FBXW8: variants seen among roughly 807,000 people sequenced by gnomAD.
The protein encoded by FBXW8 is F-box and WD repeat domain containing 8, also known as F-box/WD repeat-containing protein 8.
In FBXW8, 57 loss-of-function variants were observed where a neutral mutation model predicts 65.3. That is an observed-to-expected ratio of 0.87 (90% CI 0.71 to 1.09). The LOEUF is 1.09. Among genes scored for constraint, FBXW8 ranks in the 50% least tolerant of loss-of-function variants. The probability of loss-of-function intolerance (pLI) is 0.00; values close to 1 mark genes in which losing one functional copy is unlikely to be tolerated. For missense variants in FBXW8, 777 were observed against 814.8 expected (o/e 0.95, Z 0.57); for synonymous variants, 308 against 330.2 (o/e 0.93, Z 0.73).
intron 1 of FBXW8, among the ~76,000 whole-genome samples, chr12:116,921,825 T>TA: frequency 7.0e-6 from 1 of 141,878 alleles, no homozygotes; most frequent in Non-Finnish European, 1.5e-5. Context: ...TTTCTGACTT[T>TA]TTTTTTTTTT....
chr12:117,024,694 G>A (rs767784516), intron 9 of FBXW8, among the ~76,000 whole-genome samples: 9 of 152,180 alleles, frequency 5.9e-5, no homozygotes, highest in Non-Finnish European at 1.0e-4. Context: ...TAGGAAGCTC[G>A]CTGGGCTAGA....
chr12:116,927,416 C>T (rs943161124), intron 1 of FBXW8, among the ~76,000 whole-genome samples: 1 of 152,206 alleles, frequency 6.6e-6, no homozygotes, highest in Non-Finnish European at 1.5e-5. Flanking sequence ...GGAAACCTTG[C>T]ACTTCTCCAG....
intron 1 of FBXW8, among the ~76,000 whole-genome samples, chr12:116,922,077 A>G (rs982088407): frequency 1.4e-4 from 22 of 152,044 alleles, no homozygotes; most frequent in African/African-American, 5.3e-4. Flanking sequence ...TGATCTGTCT[A>G]TCTCAATCAC....
At chr12:116,911,535 C>T (rs1879945485) in intron 1 of FBXW8, among the ~76,000 whole-genome samples, 180 bp downstream of exon 1, 1 of 152,134 alleles carries the variant, frequency 6.6e-6, no homozygotes, top group Non-Finnish European at 1.5e-5. Context: ...ACTTCCCAAC[C>T]AGGGCGATTT....
rs558774649 is a variant in FBXW8, at chr12:117,012,959, G to T, written c.1367+2509G>T. On this transcript the variant is annotated intron_variant, in intron 8 of 10. Transcript: ENST00000652555. ...ATAAGGAGTTTTATTTTGGGGGTGT[G>T]GGGGGACAGTGAGCTTAAAGTAAAA... Among the ~76,000 whole-genome samples, 353 of 152,196 alleles carry T rather than the reference G, an allele frequency of 2.3e-3. 3 individuals are homozygous for T. Among genetic ancestry groups the T allele is most frequent in the African/African-American group, 8.1e-3 (335 of 41,522 alleles).
At chr12:116,946,499 TC>T (rs535887427) in intron 3 of FBXW8, among the ~76,000 whole-genome samples, 193 of 152,190 alleles carry the variant, frequency 1.3e-3, no homozygotes, top group Middle Eastern at 6.8e-3. Flanking sequence ...CTCTGGCCTC[TC>T]CCCATTAGAC....
At chr12:116,983,034 A>G (rs1429844067) in intron 5 of FBXW8, among the ~76,000 whole-genome samples, 1 of 152,128 alleles carries the variant, frequency 6.6e-6, no homozygotes, top group African/African-American at 2.4e-5. Context: ...TTTCTGTGAG[A>G]GGAGTAAAAT....
At chr12:117,012,246 A>C (rs1953839181) in intron 8 of FBXW8, among the ~76,000 whole-genome samples, 2 of 152,242 alleles carry the variant, frequency 1.3e-5, no homozygotes, top group South Asian at 4.2e-4. Context: ...TGCAGTCCAA[A>C]TCTGACTATG....
rs117002905 is a variant in FBXW8 at position 117,012,469 on chromosome 12, G to A, written c.1367+2019G>A. 3.6e-4 allele frequency among the ~76,000 whole-genome samples: 54 copies of A among 152,108 alleles called. 1 individual carries two copies. The highest frequency in any genetic ancestry group is 6.8e-3 in the Middle Eastern group (2 of 294). ...TATGTAAGAATACTCCCTGAGTCAG[G>A]GTTGCTCGGTCAGCAGCTTAGAATA... On this transcript the variant is annotated intron_variant, in intron 8 of 10. Coordinates refer to ENST00000652555, the MANE Select transcript of FBXW8 (RefSeq NM_153348.3).
At chr12:117,017,956 C>T (rs1480781149) in intron 8 of FBXW8, among the ~76,000 whole-genome samples, 1 of 152,144 alleles carries the variant, frequency 6.6e-6, no homozygotes, top group Admixed American at 6.5e-5. Flanking sequence ...CGTGCTACTG[C>T]TGCCTGCTGT....
At chr12:116,948,698 A>G (rs564818891) in intron 3 of FBXW8, 5 of 152,016 alleles carry the variant, frequency 3.3e-5, no homozygotes, top group East Asian at 1.9e-4. Flanking sequence ...ACTTTTCCCA[A>G]CCTCCCACAT....
intron 4 of FBXW8, among the ~76,000 whole-genome samples, chr12:116,964,216 A>C (rs1461636616): frequency 6.6e-6 from 1 of 152,242 alleles, no homozygotes; most frequent in Admixed American, 6.5e-5. Context: ...GACTTTAATC[A>C]GTCAAATCTG....
In FBXW8 at chr12:116,961,177, G is replaced by A. The variant is rs376410721; in HGVS notation, c.678-3520G>A. 1.8e-4 allele frequency among the ~76,000 whole-genome samples: 27 copies of A among 152,276 alleles called. No individual in the cohort carries two copies. The highest frequency in any genetic ancestry group is 6.3e-4 in the African/African-American group (26 of 41,566). On this transcript the variant is annotated intron_variant, in intron 4 of 10. Transcript: ENST00000652555. This position sits in a 1 kb window ranked among gnomAD's most constrained non-coding sequence, Gnocchi z 4.4. ...CACCTGGCTAATTTTTGCATTTTTA[G>A]TAGAGACGAGGTTTCACCCTGTTGG...
chr12:116,976,692 C>T lies in FBXW8; in HGVS notation c.836-8514C>T, dbSNP rs12230860. ...TGTTGGCCAGGCTGGTCTCAAACTCCTAGCCTCAAGTGATCTGCCCTCCCT... is the reference window on the plus strand; with the variant it reads ...TGTTGGCCAGGCTGGTCTCAAACTCTTAGCCTCAAGTGATCTGCCCTCCCT... On this transcript the variant is annotated intron_variant, in intron 5 of 10. Coordinates refer to ENST00000652555, the MANE Select transcript of FBXW8 (RefSeq NM_153348.3). Among the ~76,000 whole-genome samples the T allele has an allele frequency of 8.1e-3, 1,227 of 151,388 alleles. 55 individuals carry two copies. The South Asian group carries it at 0.1, about 13-fold the overall frequency.
At chr12:116,997,450 C>A (rs1345197609) in intron 7 of FBXW8, among the ~76,000 whole-genome samples, 1 of 152,186 alleles carries the variant, frequency 6.6e-6, no homozygotes, top group East Asian at 1.9e-4. Context: ...TCAGGTAAAC[C>A]TTAGGCAAGT....
At chr12:116,970,837 T>A (rs992312977) in intron 5 of FBXW8, among the ~76,000 whole-genome samples, 1 of 152,166 alleles carries the variant, frequency 6.6e-6, no homozygotes, top group Non-Finnish European at 1.5e-5. Flanking sequence ...TGTTTTCCAG[T>A]CAGTCTTGTC....
At chr12:116,954,736 T>A (rs952836033) in intron 4 of FBXW8, among the ~76,000 whole-genome samples, 1 of 152,322 alleles carries the variant, frequency 6.6e-6, no homozygotes, top group African/African-American at 2.4e-5. Flanking sequence ...GATTAATAAA[T>A]TATTTAAAAG....
intron 8 of FBXW8, among the ~76,000 whole-genome samples, chr12:117,018,444 G>T (rs551319363): frequency 6.6e-6 from 1 of 152,312 alleles, no homozygotes; most frequent in East Asian, 1.9e-4. Context: ...CGAGTATTTG[G>T]TTTGAGTGCT....
Position 117,028,037 on chromosome 12 carries a change from G to C in FBXW8, c.1662G>C (p.Gly554=). The part of the protein sequence containing the change: ...DSFTTHRRHR[G]LIRAYEFAVD... ...TTTGTGCTCTTTCTAGACACCGGGG[G>C]CTGATCCGCGCCTATGAGTTTGCGG... is the stretch of plus-strand genomic sequence containing the variant. The change falls in exon 11 of 11, where the codon GGG becomes GGC. Residue 554 remains glycine (G), a synonymous_variant. Transcript: ENST00000652555. This position sits in a 1 kb window ranked among gnomAD's most constrained non-coding sequence, Gnocchi z 4.1. The C allele has an allele frequency of 6.2e-7, 1 of 1,614,006 alleles. No homozygotes were observed. Among genetic ancestry groups the C allele is most frequent in the Non-Finnish European group, 8.5e-7 (1 of 1,180,024 alleles).
Sources: allele counts gnomAD v4.1 joint callset (sites outside exome capture counted in the v4.1 genomes callset), GRCh38; gene constraint gnomAD v4.1.1; non-coding constraint Gnocchi (gnomAD v3.1); transcripts MANE v1.5; gene names NCBI Gene and HGNC (gene_info 2026-07-23, HGNC 2026-07-21).